The following MTAP variants were observed in gnomAD, a reference collection of about 807,000 sequenced individuals.
MTAP encodes S-methyl-5'-thioadenosine phosphorylase.
Under a neutral mutation model 33.6 loss-of-function variants are expected in MTAP, and 33 were observed. That is an observed-to-expected ratio of 0.98 (90% CI 0.74 to 1.31). The LOEUF (loss-of-function observed/expected upper bound fraction) is 1.31. Ranked by LOEUF, MTAP falls within the 40% of genes most tolerant of loss-of-function variation. The probability of loss-of-function intolerance (pLI) is 0.00; values close to 1 mark genes in which losing one functional copy is unlikely to be tolerated. For synonymous variants in MTAP, 148 were observed against 125.7 expected, an observed-to-expected ratio of 1.18 and a Z score of -1.19; for missense variants, 367 against 360.0, an observed-to-expected ratio of 1.02 and a Z score of -0.16.
At chr9:21,921,252 A>C (rs1818782582) in intron 1 of MTAP, among the ~76,000 whole-genome samples, 1 of 151,852 alleles carries the variant, frequency 6.6e-6, no homozygotes, top group African/African-American at 2.4e-5. Flanking sequence ...CTCATTTGTT[A>C]ACTCTCCCTT....
At chr9:21,934,533 A>C (rs1222309471), downstream of MTAP, 1 of 152,162 alleles carries the variant, frequency 6.6e-6, no homozygotes, top group Admixed American at 6.6e-5. This position sits in a 1 kb window ranked among gnomAD's most constrained non-coding sequence, Gnocchi z 5.0. Context: ...TTACTAGGCA[A>C]ATAAGTTTGT....
At chr9:21,925,628 A>T (rs1158352769) in intron 1 of MTAP, among the ~76,000 whole-genome samples, 1 of 152,178 alleles carries the variant, frequency 6.6e-6, no homozygotes, top group Non-Finnish European at 1.5e-5. Flanking sequence ...AGATGGGAAA[A>T]ATCCCTACAT....
intron 5 of MTAP, among the ~76,000 whole-genome samples, chr9:21,845,525 CA>C (rs945549446): frequency 6.6e-6 from 1 of 152,002 alleles, no homozygotes; most frequent in Admixed American, 6.6e-5. Context: ...ATAGATAATA[CA>C]AAAAAATGGA....
intron 1 of MTAP, among the ~76,000 whole-genome samples, chr9:21,913,219 A>G (rs201992910): frequency 2.6e-5 from 4 of 152,276 alleles, no homozygotes; most frequent in East Asian, 1.9e-4. Context: ...GTAATTTATA[A>G]ATTCAATGCC....
At chr9:21,884,383 A>G (rs1742191095) in intron 1 of MTAP, among the ~76,000 whole-genome samples, 1 of 152,230 alleles carries the variant, frequency 6.6e-6, no homozygotes, top group African/African-American at 2.4e-5. Context: ...ATTAAAATCA[A>G]CAAAGTAGAG....
chr9:21,845,443 A>G (rs1825357486), intron 5 of MTAP, among the ~76,000 whole-genome samples: 1 of 152,208 alleles, frequency 6.6e-6, no homozygotes, highest in Non-Finnish European at 1.5e-5. Flanking sequence ...CAGGAAAAAA[A>G]AAGTAAAATG....
intron 4 of MTAP, among the ~76,000 whole-genome samples, chr9:21,824,978 G>A (rs1405375902): frequency 2.6e-5 from 4 of 152,102 alleles, no homozygotes; most frequent in Admixed American, 6.5e-5. Flanking sequence ...GCAGTGACCC[G>A]ATTTTCCAGG....
chr9:21,809,066 G>A (rs1824280444), intron 1 of MTAP: 1 of 152,244 alleles, frequency 6.6e-6, no homozygotes, highest in Non-Finnish European at 1.5e-5. Flanking sequence ...AGCTTCTGGA[G>A]GCACCAGCAC....
chr9:21,842,725 A>C (rs946454177), intron 5 of MTAP, among the ~76,000 whole-genome samples: 6 of 152,326 alleles, frequency 3.9e-5, no homozygotes, highest in East Asian at 1.9e-4. Flanking sequence ...ATTTGCCACT[A>C]TTGAGCCAAC....
intron 5 of MTAP, among the ~76,000 whole-genome samples, chr9:21,846,874 A>G (rs1825398148): frequency 6.6e-6 from 1 of 152,224 alleles, no homozygotes; most frequent in African/African-American, 2.4e-5. Flanking sequence ...AATATGGTAT[A>G]TATACAGCAT....
rs560194294 is a variant in MTAP, at chr9:21,818,222, G to A, written c.347+20G>A. ...TGACAGGTAAGCAGTCATACAAAATGCTTTAGGCTATTGTAGCTGGTCATT... is the reference window on the plus strand; with the variant it reads ...TGACAGGTAAGCAGTCATACAAAATACTTTAGGCTATTGTAGCTGGTCATT... On this transcript the variant is annotated intron_variant, in intron 4 of 7. Coordinates refer to ENST00000644715, the MANE Select transcript of MTAP (RefSeq NM_002451.4). 1.1e-5 allele frequency: 17 copies of A among 1,581,102 alleles called. No homozygotes were observed. Among genetic ancestry groups the A allele is most frequent in the Admixed American group, 1.7e-5 (1 of 58,432 alleles).
At chr9:21,854,988 AGTT>A (rs1825603716) in intron 6 of MTAP, 118 bp downstream of exon 6, 3 of 1,360,136 alleles carry the variant, frequency 2.2e-6, no homozygotes, top group Middle Eastern at 1.9e-4. Flanking sequence ...AAGGTTTTGA[AGTT>A]GTTAATATTT....
At chr9:21,879,114 A>T (rs769329014) in intron 1 of MTAP, among the ~76,000 whole-genome samples, 8 of 151,942 alleles carry the variant, frequency 5.3e-5, no homozygotes, top group Non-Finnish European at 1.2e-4. Context: ...TATGTTTGTT[A>T]ATTTTCTTCC....
chr9:21,868,938 A>G (rs1292873968), downstream of MTAP, among the ~76,000 whole-genome samples: 1 of 152,180 alleles, frequency 6.6e-6, no homozygotes, highest in Non-Finnish European at 1.5e-5. Context: ...ACAAGTTCCC[A>G]GATGATGCTG....
chr9:21,911,194 A>G (rs1731737687), intron 1 of MTAP, among the ~76,000 whole-genome samples: 1 of 152,168 alleles, frequency 6.6e-6, no homozygotes, highest in South Asian at 2.1e-4. Context: ...AGACTTTAAC[A>G]CCCCACTATC....
intron 5 of MTAP, among the ~76,000 whole-genome samples, chr9:21,841,941 G>C (rs929271025): frequency 6.6e-6 from 1 of 152,170 alleles, no homozygotes; most frequent in Non-Finnish European, 1.5e-5. Flanking sequence ...TCTCTGAATT[G>C]CCAGATAAGG....
At chr9:21,871,363 C>T (rs991368860), downstream of MTAP, among the ~76,000 whole-genome samples, 1 of 152,114 alleles carries the variant, frequency 6.6e-6, no homozygotes, top group Non-Finnish European at 1.5e-5. Flanking sequence ...GTAAGTTGTC[C>T]CTCCACTTGG....
intron 4 of MTAP, among the ~76,000 whole-genome samples, chr9:21,836,024 A>T (rs1825096513): frequency 6.6e-6 from 1 of 151,978 alleles, no homozygotes. Flanking sequence ...CTTTGCTTGC[A>T]CCTTACAAGG....
At chr9:21,852,698 T>C (rs117042185) in intron 5 of MTAP, among the ~76,000 whole-genome samples, 2,795 of 147,976 alleles carry the variant, frequency 0.019, 46 homozygotes, top group Middle Eastern at 0.049. Flanking sequence ...CCCCAAAAAC[T>C]ATTGAAATGA....
Sources: gnomAD v4.1 joint callset for allele counts (sites outside exome capture counted in the v4.1 genomes callset) on GRCh38, gnomAD v4.1.1 for gene constraint, Gnocchi (gnomAD v3.1) non-coding constraint, MANE v1.5 for transcripts, NCBI Gene and HGNC (gene_info 2026-07-23, HGNC 2026-07-21) for gene names.